GTF3C3: variants seen among roughly 807,000 people sequenced by gnomAD.
The protein encoded by GTF3C3 is general transcription factor 3C polypeptide 3.
GTF3C3 carries 75 observed loss-of-function variants against 105.2 expected under a neutral mutation model. The observed-to-expected ratio is 0.71, with a 90% CI of 0.59 to 0.86. The LOEUF (loss-of-function observed/expected upper bound fraction) is 0.86. Ranked by LOEUF, GTF3C3 falls within the 40% of genes least tolerant of loss-of-function variation. The pLI, the probability that GTF3C3 is intolerant of heterozygous loss-of-function variation, is 0.00. For synonymous variants in GTF3C3, 335 were observed against 370.4 expected (o/e 0.90, Z 1.10); for missense variants, 856 against 1,076.5 (o/e 0.80, Z 2.87).
rs759144239 is a variant in GTF3C3, at chr2:196,799,567, T to C, written c.45A>G (p.Lys15=). The change falls in exon 1 of 18, where the codon AAA becomes AAG. Residue 15 remains lysine, a synonymous_variant. Coordinates refer to ENST00000263956, the MANE Select transcript of GTF3C3 (RefSeq NM_012086.5). The part of the protein sequence containing the change: ...SPELIDYLEG[K]ISFEEFERRR... Reference sequence around the variant, plus strand: ...GCCGTTCGAACTCCTCAAAGGAGATTTTCCCTTCCAAGTAGTCGATGAGTT... The same window carrying C: ...GCCGTTCGAACTCCTCAAAGGAGATCTTCCCTTCCAAGTAGTCGATGAGTT... 1 of 1,614,204 alleles carries C rather than the reference T, an allele frequency of 6.2e-7. No individual in the cohort carries two copies. The highest frequency in any genetic ancestry group is 2.2e-5 in the East Asian group (1 of 44,882).
At chr2:196,797,713 G>A (rs1186800457) in intron 2 of GTF3C3, 84 bp downstream of exon 2, 8 of 808,384 alleles carry the variant, frequency 9.9e-6, no homozygotes, top group Middle Eastern at 2.7e-4. Flanking sequence ...GAGTATCACT[G>A]CCATGAAAAT....
At chr2:196,766,212 T>C (rs1468458507) in intron 17 of GTF3C3, among the ~76,000 whole-genome samples, 1 of 152,124 alleles carries the variant, frequency 6.6e-6, no homozygotes, top group Non-Finnish European at 1.5e-5. Flanking sequence ...GCTACATTAA[T>C]ACTGGTCTTT....
chr2:196,773,069 A>G lies in GTF3C3; in HGVS notation c.1916T>C (p.Leu639Pro). The G allele has an allele frequency of 6.2e-7, 1 of 1,613,368 alleles. No individual in the cohort carries two copies. Among genetic ancestry groups the G allele is most frequent in the Non-Finnish European group, 8.5e-7 (1 of 1,179,314 alleles). Residue 639 changes from leucine (L) to proline (P), a missense_variant, in exon 14 of 18, where the codon CTA becomes CCA. Leu to Pro is a moderately conservative substitution (Grantham distance 98). Coordinates refer to ENST00000263956, the MANE Select transcript of GTF3C3 (RefSeq NM_012086.5). ...CAACTCAGCCTCTTGAAATCGGGAT[A>G]GGTCACATAAGGAGTATATGGCCTT... ...LLKAIYSLCD[L>P]SRFQEAELLV...
At chr2:196,787,784 T>A (rs1245476219) in intron 6 of GTF3C3, among the ~76,000 whole-genome samples, 1 of 152,206 alleles carries the variant, frequency 6.6e-6, no homozygotes, top group Non-Finnish European at 1.5e-5. Flanking sequence ...AGGGGATTTT[T>A]AAAACTTGTT....
intron 12 of GTF3C3, among the ~76,000 whole-genome samples, chr2:196,775,702 T>C (rs1699248601): frequency 6.6e-6 from 1 of 152,190 alleles, no homozygotes; most frequent in Non-Finnish European, 1.5e-5. Context: ...GAAAGAATAT[T>C]AGATCTGGAA....
chr2:196,789,491 T>C, intron 5 of GTF3C3, 122 bp from the exon 6 acceptor site: 1 of 644,408 alleles, frequency 1.6e-6, no homozygotes, highest in Non-Finnish European at 2.6e-6. Context: ...AAGGGAGTTA[T>C]TCTGAATAAA....
intron 6 of GTF3C3, among the ~76,000 whole-genome samples, chr2:196,787,403 C>A (rs1285059082): frequency 1.3e-5 from 2 of 152,140 alleles, no homozygotes; most frequent in Non-Finnish European, 2.9e-5. Flanking sequence ...AAAGCCAAAG[C>A]CCTTACAATA....
chr2:196,775,621 A>G (rs1305631523), intron 12 of GTF3C3, among the ~76,000 whole-genome samples: 1 of 152,242 alleles, frequency 6.6e-6, no homozygotes, highest in Non-Finnish European at 1.5e-5. Flanking sequence ...CGTTAACATT[A>G]TAACATGCAT....
intron 1 of GTF3C3, 113 bp from the exon 2 acceptor site, chr2:196,798,021 T>C: frequency 1.5e-6 from 1 of 683,566 alleles, no homozygotes; most frequent in Non-Finnish European, 2.6e-6. Context: ...TTTGTGACCA[T>C]GGGTTGGCAG....
chr2:196,781,342 GAAAAAAA>G (rs769914255), intron 8 of GTF3C3, among the ~76,000 whole-genome samples: 18 of 31,450 alleles, frequency 5.7e-4, no homozygotes, highest in Middle Eastern at 0.045. Context: ...ATGTTAAGGG[GAAAAAAA>G]AAAAAAAAAT....
chr2:196,793,731 G>A (rs1004193710), intron 2 of GTF3C3, among the ~76,000 whole-genome samples: 26 of 151,954 alleles, frequency 1.7e-4, no homozygotes, highest in Admixed American at 9.2e-4. Flanking sequence ...TATAGTAAAC[G>A]CCTATTAAAT....
At position 196,776,361 on chromosome 2, in the gene GTF3C3, A is replaced by C; in HGVS notation, c.1593+66T>G. 2 of 1,306,192 alleles carry C rather than the reference A, an allele frequency of 1.5e-6. No homozygotes were observed. The highest frequency in any genetic ancestry group is 2.2e-6 in the Non-Finnish European group (2 of 919,774). 80.9% of individuals were successfully genotyped at this position (1,306,192 alleles called of 1,614,324 possible). ...GGATATAAGCTATAGAGACATCCTT[A>C]ATGGAGGAGAAAGTTCTAAAATATA... On this transcript the variant is annotated intron_variant, in intron 11 of 17. Coordinates refer to ENST00000263956, the MANE Select transcript of GTF3C3 (RefSeq NM_012086.5). This position sits in a 1 kb window ranked among gnomAD's most constrained non-coding sequence, Gnocchi z 4.5.
Position 196,776,115 on chromosome 2 carries a change from A to AAC in GTF3C3, c.1594-6_1594-5dup, listed in dbSNP as rs1277463340. 6.8e-7 allele frequency: 1 copy of AAC among 1,460,712 alleles called. No individual in the cohort carries two copies. Among genetic ancestry groups the AAC allele is most frequent in the South Asian group, 1.2e-5 (1 of 82,306 alleles). The allele number at this position is 1,460,712 out of a possible 1,614,324, so 90.5% of individuals were successfully genotyped here. A position where few individuals can be genotyped will look rare whatever the true frequency, so the allele number is the denominator to read the frequency against. ...GATGAAGCAATAACTTCAGTTCCTA[A>AAC]ACAAATAAGCACATGATGATGAGCC... On this transcript the variant is annotated splice_polypyrimidine_tract_variant and splice_region_variant and intron_variant, in intron 11 of 17. Coordinates refer to ENST00000263956, the MANE Select transcript of GTF3C3 (RefSeq NM_012086.5). This position sits in a 1 kb window ranked among gnomAD's most constrained non-coding sequence, Gnocchi z 4.5.
chr2:196,798,020 A>G lies in GTF3C3; in HGVS notation c.103-112T>C, dbSNP rs536968213. On this transcript the variant is annotated intron_variant, in intron 1 of 17. Transcript: ENST00000263956. ...TTTGCCACTCGGGCATTTTGTGACC[A>G]TGGGTTGGCAGTTTATAGAATAGGG... The G allele has an allele frequency of 2.3e-4, 155 of 682,100 alleles. No homozygotes were observed. The East Asian group carries it at 2.6e-3, about 12-fold the overall frequency. The allele number at this position is 682,100 out of a possible 1,614,324, so 42.3% of individuals were successfully genotyped here. A position where few individuals can be genotyped will look rare whatever the true frequency, so the allele number is the denominator to read the frequency against.
intron 9 of GTF3C3, chr2:196,780,215 CT>C (rs57683313): frequency 0.012 from 9,159 of 775,218 alleles, 2 homozygotes; most frequent in East Asian, 0.019. Context: ...ATGCTAAGTA[CT>C]TTTTTTTTTT....
chr2:196,790,609 CTAAAA>C (rs1699530001), intron 4 of GTF3C3, among the ~76,000 whole-genome samples: 1 of 152,038 alleles, frequency 6.6e-6, no homozygotes, highest in East Asian at 1.9e-4. Flanking sequence ...CAATTATAAA[CTAAAA>C]TAAAGGAACA....
chr2:196,784,832 T>G, intron 8 of GTF3C3, 25 bp downstream of exon 8: 1 of 1,589,106 alleles, frequency 6.3e-7, no homozygotes, highest in Non-Finnish European at 8.5e-7. Flanking sequence ...TTATATACAC[T>G]TTCCTAAGCA....
In GTF3C3 at chr2:196,776,386, A is replaced by C. The variant is rs1336071828; in HGVS notation, c.1593+41T>G. 2.0e-6 allele frequency: 3 copies of C among 1,509,250 alleles called. No homozygotes were observed. The highest frequency in any genetic ancestry group is 2.8e-6 in the Non-Finnish European group (3 of 1,089,800). 93.5% of individuals were successfully genotyped at this position (1,509,250 alleles called of 1,614,324 possible). A position where few individuals can be genotyped will look rare whatever the true frequency, so the allele number is the denominator to read the frequency against. On this transcript the variant is annotated intron_variant, in intron 11 of 17. Transcript: ENST00000263956. The surrounding 1 kb of genome is among the most constrained non-coding windows in gnomAD (Gnocchi z 4.5). ...AATGGAGGAGAAAGTTCTAAAATATAATATACCAAGAAAAACTTCCCTCTA... is the reference window on the plus strand; with the variant it reads ...AATGGAGGAGAAAGTTCTAAAATATCATATACCAAGAAAAACTTCCCTCTA...
At position 196,797,897 on chromosome 2, in the gene GTF3C3, T is replaced by C; in HGVS notation, c.114A>G (p.Glu38=). Residue 38 remains glutamate, a synonymous_variant, in exon 2 of 18, where the codon GAA becomes GAG. Coordinates refer to ENST00000263956, the MANE Select transcript of GTF3C3 (RefSeq NM_012086.5). ...TTTCTTCAGCTGATAACTTGCCTTTTTCCTGAAGACTCTGTGATTGCAAAT... is the reference window on the plus strand; with the variant it reads ...TTTCTTCAGCTGATAACTTGCCTTTCTCCTGAAGACTCTGTGATTGCAAAT... The part of the protein sequence containing the change: ...RKTREKKSLQ[E]KGKLSAEENP... The C allele has an allele frequency of 6.3e-7, 1 of 1,586,940 alleles. No homozygotes were observed. The highest frequency in any genetic ancestry group is 1.3e-5 in the African/African-American group (1 of 74,480).
Sources: allele counts gnomAD v4.1 joint callset (sites outside exome capture counted in the v4.1 genomes callset), GRCh38; gene constraint gnomAD v4.1.1; non-coding constraint Gnocchi (gnomAD v3.1); transcripts MANE v1.5; gene names NCBI Gene and HGNC (gene_info 2026-07-23, HGNC 2026-07-21).